Variants in KATNIP observed in about 807,000 individuals in gnomAD.
KATNIP encodes katanin-interacting protein.
KATNIP carries 126 observed loss-of-function variants against 174.0 expected under a neutral mutation model. The ratio of observed to expected loss-of-function variants is 0.72; its 90% CI spans 0.63 to 0.84. The LOEUF is 0.84. Among genes scored for constraint, KATNIP ranks in the 40% least tolerant of loss-of-function variants. KATNIP has a pLI of 0.00. For missense variants in KATNIP, 1,958 were observed against 2,109.7 expected (o/e 0.93, Z 1.41); for synonymous variants, 810 against 835.7 (o/e 0.97, Z 0.53).
chr16:27,579,860 C>T (rs751340358), intron 2 of KATNIP, among the ~76,000 whole-genome samples: 4 of 151,982 alleles, frequency 2.6e-5, no homozygotes, highest in Non-Finnish European at 4.4e-5. Flanking sequence ...TGCACATGCA[C>T]ACACATACAC....
chr16:27,589,691 G>A (rs143651182), intron 2 of KATNIP, among the ~76,000 whole-genome samples: 90 of 152,250 alleles, frequency 5.9e-4, no homozygotes, highest in African/African-American at 2.2e-3. Flanking sequence ...TTGGAAAAAT[G>A]CCTCTGTTTA....
intron 1 of KATNIP, among the ~76,000 whole-genome samples, chr16:27,561,742 A>G (rs987716793): frequency 1.3e-5 from 2 of 152,166 alleles, no homozygotes; most frequent in African/African-American, 4.8e-5. Context: ...GTCCCAAACT[A>G]TTTAGAAACA....
intron 3 of KATNIP, among the ~76,000 whole-genome samples, chr16:27,626,198 C>T (rs777261485): frequency 6.6e-5 from 10 of 151,318 alleles, no homozygotes; most frequent in Non-Finnish European, 1.3e-4. Flanking sequence ...ACCACTCCCC[C>T]GCCCCCCACT....
In KATNIP at chr16:27,637,998, G is replaced by T. The variant is rs1162463375; in HGVS notation, c.408+6836G>T. Among the ~76,000 whole-genome samples, 7 of 152,164 alleles carry T rather than the reference G, an allele frequency of 4.6e-5. No individual in the cohort carries two copies. The highest frequency in any genetic ancestry group is 1.0e-4 in the Non-Finnish European group (7 of 68,036). Reference sequence around the variant, plus strand: ...CCTGTCCCTGAGCTGCCGCCAACTCGTAGCTTCAGTGTTCCCCTGATCCAT... The same window carrying T: ...CCTGTCCCTGAGCTGCCGCCAACTCTTAGCTTCAGTGTTCCCCTGATCCAT... On this transcript the variant is annotated intron_variant, in intron 5 of 27. Coordinates refer to ENST00000261588, the MANE Select transcript of KATNIP (RefSeq NM_015202.5). This position sits in a 1 kb window ranked among gnomAD's most constrained non-coding sequence, Gnocchi z 4.7.
At chr16:27,759,511 C>G (rs1319492430) in intron 18 of KATNIP, among the ~76,000 whole-genome samples, 1 of 152,230 alleles carries the variant, frequency 6.6e-6, no homozygotes, top group Non-Finnish European at 1.5e-5. Context: ...AATTCAGTAT[C>G]TTGGCTGGGC....
At chr16:27,619,172 G>A (rs1409636020) in intron 3 of KATNIP, among the ~76,000 whole-genome samples, 1 of 152,240 alleles carries the variant, frequency 6.6e-6, no homozygotes, top group East Asian at 1.9e-4. Flanking sequence ...GCTGGGAGTG[G>A]CCAGGCAGTG....
At chr16:27,602,947 A>T (rs953475834) in intron 2 of KATNIP, among the ~76,000 whole-genome samples, 1 of 152,112 alleles carries the variant, frequency 6.6e-6, no homozygotes, top group Admixed American at 6.6e-5. Context: ...TGATCCTCTC[A>T]TCTCTGCCTC....
At chr16:27,600,259 C>T (rs1401396315) in intron 2 of KATNIP, among the ~76,000 whole-genome samples, 1 of 152,144 alleles carries the variant, frequency 6.6e-6, no homozygotes, top group Non-Finnish European at 1.5e-5. Flanking sequence ...GGACCAGGGT[C>T]AGAGAGAATG....
At chr16:27,614,661 A>G (rs2075990706) in intron 2 of KATNIP, among the ~76,000 whole-genome samples, 1 of 152,000 alleles carries the variant, frequency 6.6e-6, no homozygotes, top group South Asian at 2.1e-4. Context: ...CTTTCTTATT[A>G]TTACTTACTT....
At chr16:27,665,657 C>G (rs1016294688) in intron 6 of KATNIP, among the ~76,000 whole-genome samples, 1 of 150,864 alleles carries the variant, frequency 6.6e-6, no homozygotes, top group African/African-American at 2.4e-5. Flanking sequence ...CTGGAGTGCA[C>G]TGGTACGATC....
At chr16:27,687,473 C>G (rs1011984569) in intron 8 of KATNIP, 4 of 151,946 alleles carry the variant, frequency 2.6e-5, no homozygotes, top group African/African-American at 9.7e-5. Context: ...TAGACTAAGC[C>G]CATAAAATTG....
At chr16:27,752,631 A>G (rs1194997432) in intron 17 of KATNIP, among the ~76,000 whole-genome samples, 1 of 152,184 alleles carries the variant, frequency 6.6e-6, no homozygotes, top group East Asian at 1.9e-4. Flanking sequence ...AGCTCATTGC[A>G]GCTCAAACTC....
At chr16:27,581,709 A>C (rs2090704635) in intron 2 of KATNIP, among the ~76,000 whole-genome samples, 1 of 152,048 alleles carries the variant, frequency 6.6e-6, no homozygotes, top group Non-Finnish European at 1.5e-5. Flanking sequence ...TATACACTAC[A>C]CCTAATTTGT....
intron 5 of KATNIP, chr16:27,632,601 A>G (rs1215658233): frequency 2.2e-6 from 1 of 456,498 alleles, no homozygotes; most frequent in Non-Finnish European, 4.4e-6. Context: ...GAACCACTCC[A>G]TGGTCAGTGG....
rs181690289 is a variant in KATNIP, at chr16:27,571,096, G to A, written c.8-2805G>A. 5.3e-5 allele frequency among the ~76,000 whole-genome samples: 8 copies of A among 152,228 alleles called. No individual in the cohort carries two copies. The East Asian group carries it at 5.8e-4, about 11-fold the overall frequency. On this transcript the variant is annotated intron_variant, in intron 1 of 27. Coordinates refer to ENST00000261588, the MANE Select transcript of KATNIP (RefSeq NM_015202.5). Reference sequence around the variant, plus strand: ...TACCCAGGCTGGAGTCCAGTGGTGCGATCTCGGCTCACTGCAACTTCTGCC... The same window carrying A: ...TACCCAGGCTGGAGTCCAGTGGTGCAATCTCGGCTCACTGCAACTTCTGCC...
At chr16:27,554,789 CTTTTTTTTTTT>C (rs563621813) in intron 1 of KATNIP, among the ~76,000 whole-genome samples, 1 of 77,808 alleles carries the variant, frequency 1.3e-5, no homozygotes, top group Non-Finnish European at 2.4e-5. Context: ...TTGATTTACA[CTTTTTTTTTTT>C]TTTTTTTTTT....
intron 8 of KATNIP, among the ~76,000 whole-genome samples, chr16:27,697,137 G>A (rs1260947021): frequency 1.3e-5 from 2 of 152,168 alleles, no homozygotes; most frequent in Non-Finnish European, 2.9e-5. Flanking sequence ...TGTCTTTATG[G>A]TAGGATGATT....
intron 2 of KATNIP, among the ~76,000 whole-genome samples, chr16:27,602,259 G>A (rs970445497): frequency 2.0e-5 from 3 of 152,106 alleles, no homozygotes; most frequent in African/African-American, 4.8e-5. Flanking sequence ...CTCAGGACTC[G>A]CTTAAAATCC....
Position 27,650,776 on chromosome 16 carries a change from T to C in KATNIP, c.540+2041T>C, listed in dbSNP as rs539836623. Among the ~76,000 whole-genome samples, 70 of 152,324 alleles carry C rather than the reference T, an allele frequency of 4.6e-4. 1 individual carries two copies. The South Asian group carries it at 0.014, about 30-fold the overall frequency. ...CCCGAGTATGTTGGAAATTTTTGTT[T>C]CCCTAAAACAGAATATAAAAGTCGT... On this transcript the variant is annotated intron_variant, in intron 6 of 27. Transcript: ENST00000261588.
Sources: allele counts gnomAD v4.1 joint callset (sites outside exome capture counted in the v4.1 genomes callset), GRCh38; gene constraint gnomAD v4.1.1; non-coding constraint Gnocchi (gnomAD v3.1); transcripts MANE v1.5; gene names NCBI Gene and HGNC (gene_info 2026-07-23, HGNC 2026-07-21).